Variants in EBF3 observed in about 807,000 individuals in gnomAD.
EBF3 encodes the protein EBF transcription factor 3.
EBF3 carries 18 observed loss-of-function variants against 77.1 expected under a neutral mutation model. That is an observed-to-expected ratio of 0.23 (90% confidence interval 0.16 to 0.35). The LOEUF is 0.35. EBF3 is among the 10% of genes least tolerant of loss of function. The pLI, the probability that EBF3 is intolerant of heterozygous loss-of-function variation, is 1.00. For synonymous variants in EBF3, 350 were observed against 343.5 expected, an observed-to-expected ratio of 1.02 and a Z score of -0.21; for missense variants, 558 against 860.0, an observed-to-expected ratio of 0.65 and a Z score of 4.39.
intron 6 of EBF3, among the ~76,000 whole-genome samples, chr10:129,900,181 C>T (rs1435578311): frequency 6.6e-6 from 1 of 152,192 alleles, no homozygotes; most frequent in Non-Finnish European, 1.5e-5. Flanking sequence ...TTGAAAGAGT[C>T]ATCATAAAGT....
intron 9 of EBF3, 65 bp downstream of exon 9, chr10:129,867,717 A>G: frequency 1.3e-6 from 2 of 1,598,892 alleles, no homozygotes; most frequent in East Asian, 4.5e-5. Context: ...TACACTATTG[A>G]CAGCTTGTCA....
At chr10:129,920,912 G>C (rs545169099) in intron 6 of EBF3, among the ~76,000 whole-genome samples, 3 of 152,258 alleles carry the variant, frequency 2.0e-5, no homozygotes, top group Admixed American at 6.5e-5. Context: ...TCCTGCCTGA[G>C]GTTTGGTTTC....
rs142614951 is a variant in EBF3 at position 129,956,231 on chromosome 10, C to T, written c.554+1027G>A. Among the ~76,000 whole-genome samples the T allele has an allele frequency of 1.4e-3, 206 of 152,274 alleles. 3 individuals are homozygous for T. Among genetic ancestry groups the T allele is most frequent in the African/African-American group, 4.8e-3 (198 of 41,562 alleles). On this transcript the variant is annotated intron_variant, in intron 6 of 16. Transcript: ENST00000440978. ...AGTTTTCCGGGTTTAATTTTTCAGA[C>T]ACTGGACAGCAAAGTTCATGATCAA...
chr10:129,854,894 C>A (rs1259628425), intron 10 of EBF3, among the ~76,000 whole-genome samples: 2 of 152,240 alleles, frequency 1.3e-5, no homozygotes, highest in Non-Finnish European at 2.9e-5. Flanking sequence ...GCGCTGCCCG[C>A]GGGGGCCGGC....
rs1360121411 is a variant in EBF3, at chr10:129,855,802, C to G, written c.1040-7322G>C. On this transcript the variant is annotated intron_variant, in intron 10 of 16. Transcript: ENST00000440978. ...AGTGTCCCTCTGCTGCCACGCCTCC[C>G]AGAGACTTTTTGCAGGGAGGAGAGA... Among the ~76,000 whole-genome samples the G allele has an allele frequency of 3.9e-5, 6 of 152,342 alleles. No homozygotes were observed. In the East Asian group the frequency reaches 9.6e-4, roughly 24 times the overall value.
At chr10:129,917,650 T>TAA (rs1258587841) in intron 6 of EBF3, among the ~76,000 whole-genome samples, 1 of 2,472 alleles carries the variant, frequency 4.0e-4, no homozygotes, top group African/African-American at 1.1e-3. Context: ...AGACCCTGCC[T>TAA]CAAAAAAAAA....
chr10:129,861,150 G>A lies in EBF3; in HGVS notation c.1039+5991C>T, dbSNP rs1442533937. On this transcript the variant is annotated intron_variant, in intron 10 of 16. Transcript: ENST00000440978. This position sits in a 1 kb window ranked among gnomAD's most constrained non-coding sequence, Gnocchi z 4.3. ...TGGCAGATTAACTGATCATGGTTTG[G>A]GTTGATGCTGTGCCGTAGCAGTGGG... Among the ~76,000 whole-genome samples, 1 of 152,154 alleles carries A rather than the reference G, an allele frequency of 6.6e-6. No homozygotes were observed. The highest frequency in any genetic ancestry group is 1.5e-5 in the Non-Finnish European group (1 of 68,032).
At position 129,963,317 on chromosome 10, in the gene EBF3, G is replaced by A; in HGVS notation, c.291+50C>T. ...GAACCCCCGCGCACCGGCACCGCCT[G>A]CCTCCCGCTTCTAGAAAGAGAGAGG... On this transcript the variant is annotated intron_variant, in intron 2 of 16. Transcript: ENST00000440978. The surrounding 1 kb of genome is among the most constrained non-coding windows in gnomAD (Gnocchi z 7.1). 6.4e-7 allele frequency: 1 copy of A among 1,550,714 alleles called. No individual in the cohort carries two copies. Among genetic ancestry groups the A allele is most frequent in the South Asian group, 1.2e-5 (1 of 84,378 alleles).
At chr10:129,910,467 T>C (rs975367951) in intron 6 of EBF3, among the ~76,000 whole-genome samples, 5 of 152,026 alleles carry the variant, frequency 3.3e-5, no homozygotes, top group Admixed American at 2.6e-4. Context: ...CAGAAGTAAC[T>C]ACACTGATGA....
chr10:129,845,330 A>G (rs926808114), intron 11 of EBF3: 18 of 152,362 alleles, frequency 1.2e-4, no homozygotes, highest in African/African-American at 3.8e-4. Context: ...AGCCACAACC[A>G]TAAGTGTAAT....
rs1054030026 is a variant in EBF3 at position 129,885,607 on chromosome 10, T to G, written c.555-7758A>C. ...TCCCCCCTTTACCTATTTCTCTATT[T>G]CTAATGGGCAATGCAGCACTGACAT... On this transcript the variant is annotated intron_variant, in intron 6 of 16. Transcript: ENST00000440978. This position sits in a 1 kb window ranked among gnomAD's most constrained non-coding sequence, Gnocchi z 4.0. 1.2e-4 allele frequency among the ~76,000 whole-genome samples: 19 copies of G among 152,188 alleles called. No individual in the cohort carries two copies. The highest frequency in any genetic ancestry group is 4.3e-4 in the African/African-American group (18 of 41,444).
chr10:129,920,376 T>C (rs541266015), intron 6 of EBF3, among the ~76,000 whole-genome samples: 7 of 151,608 alleles, frequency 4.6e-5, no homozygotes, highest in Admixed American at 2.6e-4. Flanking sequence ...AGGGCGAATA[T>C]CTGCAGGAGG....
Position 129,864,488 on chromosome 10 carries a change from A to G in EBF3, c.1039+2653T>C, listed in dbSNP as rs182123882. 4.1e-4 allele frequency among the ~76,000 whole-genome samples: 62 copies of G among 152,248 alleles called. No homozygotes were observed. Among genetic ancestry groups the G allele is most frequent in the African/African-American group, 1.4e-3 (60 of 41,570 alleles). The stretch of plus-strand genomic sequence containing the variant: ...GGACCTTTCAGCAATCTTCTTTCTT[A>G]AAAAAGTCTCATTTCTAACAATAGC... On this transcript the variant is annotated intron_variant, in intron 10 of 16. Coordinates refer to ENST00000440978, the MANE Select transcript of EBF3 (RefSeq NM_001375380.1). The surrounding 1 kb of genome is among the most constrained non-coding windows in gnomAD (Gnocchi z 4.4).
chr10:129,881,492 T>A (rs1853206115), intron 6 of EBF3, among the ~76,000 whole-genome samples: 1 of 152,160 alleles, frequency 6.6e-6, no homozygotes, highest in South Asian at 2.1e-4. Context: ...CAGGCGCGGC[T>A]TTCCCAGCCC....
chr10:129,886,411 A>G (rs984917121), intron 6 of EBF3, among the ~76,000 whole-genome samples: 5 of 152,228 alleles, frequency 3.3e-5, no homozygotes, highest in Non-Finnish European at 7.3e-5. Context: ...CCTGCGTGTC[A>G]ACATATACAA....
chr10:129,957,802 A>G (rs948711125), intron 5 of EBF3, among the ~76,000 whole-genome samples: 1 of 152,164 alleles, frequency 6.6e-6, no homozygotes, highest in African/African-American at 2.4e-5. Flanking sequence ...TCTATCACAA[A>G]CTTCTATTGT....
At chr10:129,910,724 T>A (rs1855471464) in intron 6 of EBF3, among the ~76,000 whole-genome samples, 1 of 151,998 alleles carries the variant, frequency 6.6e-6, no homozygotes, top group African/African-American at 2.4e-5. Flanking sequence ...TACAAAGTTG[T>A]CCAGGGCACA....
At chr10:129,876,691 G>A (rs1401383099) in intron 7 of EBF3, among the ~76,000 whole-genome samples, 1 of 152,226 alleles carries the variant, frequency 6.6e-6, no homozygotes, top group East Asian at 1.9e-4. Flanking sequence ...ATCCAAGCTA[G>A]TGGTCATTTC....
chr10:129,849,362 G>A (rs904652169), intron 10 of EBF3, among the ~76,000 whole-genome samples: 17 of 152,192 alleles, frequency 1.1e-4, no homozygotes, highest in Admixed American at 2.0e-4. Context: ...ACGGTGCGTG[G>A]CACAACATAA....
Sources: gnomAD v4.1 joint callset for allele counts (sites outside exome capture counted in the v4.1 genomes callset) on GRCh38, gnomAD v4.1.1 for gene constraint, Gnocchi (gnomAD v3.1) non-coding constraint, MANE v1.5 for transcripts, NCBI Gene and HGNC (gene_info 2026-07-23, HGNC 2026-07-21) for gene names.